STRN: variants seen among roughly 807,000 people sequenced by gnomAD.
STRN encodes the protein protein phosphatase 2 regulatory subunit B'''alpha.
A neutral mutation model predicts 96.3 loss-of-function variants in STRN; 53 were observed. That is an observed-to-expected ratio of 0.55 (90% CI 0.44 to 0.69). The LOEUF is 0.69. STRN is among the 30% of genes least tolerant of loss of function. The probability of loss-of-function intolerance (pLI) is 0.00; values close to 1 mark genes in which losing one functional copy is unlikely to be tolerated. For missense variants in STRN, 987 were observed against 963.9 expected, an observed-to-expected ratio of 1.02 and a Z score of -0.32; for synonymous variants, 428 against 355.9, an observed-to-expected ratio of 1.20 and a Z score of -2.28.
intron 1 of STRN, among the ~76,000 whole-genome samples, chr2:36,964,707 T>A (rs185977651): frequency 2.6e-5 from 4 of 152,328 alleles, no homozygotes; most frequent in Admixed American, 2.6e-4. Context: ...CTACCCCATC[T>A]AAAATAGCTG....
At chr2:36,850,925 A>C in intron 16 of STRN, 75 bp downstream of exon 16, 1 of 1,225,256 alleles carries the variant, frequency 8.2e-7, no homozygotes, top group Non-Finnish European at 1.1e-6. Flanking sequence ...ACCAAGAGAC[A>C]CCAAAATTAG....
chr2:36,966,347 C>A lies in STRN; in HGVS notation c.117G>T (p.Ala39=), dbSNP rs1448812119. The A allele has an allele frequency of 6.8e-7, 1 of 1,479,888 alleles. No individual in the cohort carries two copies. The highest frequency in any genetic ancestry group is 2.5e-5 in the Admixed American group (1 of 39,396). 91.7% of individuals were successfully genotyped at this position (1,479,888 alleles called of 1,614,324 possible). The change falls in exon 1 of 18, where the codon GCG becomes GCT. Residue 39 remains alanine (A), a synonymous_variant. Transcript: ENST00000263918. ...EAAAAGDGAA[A]AGAARAQYSL... Reference sequence around the variant, plus strand: ...TGTACTGGGCTCGGGCCGCCCCCGCCGCAGCCGCCCCGTCGCCGGCCGCGG... The same window carrying A: ...TGTACTGGGCTCGGGCCGCCCCCGCAGCAGCCGCCCCGTCGCCGGCCGCGG...
intron 8 of STRN, 47 bp from the exon 9 acceptor site, chr2:36,884,122 G>C (rs1572646792): frequency 7.7e-7 from 1 of 1,303,316 alleles, no homozygotes; most frequent in Non-Finnish European, 9.9e-7. Context: ...AGAGAAAAGA[G>C]AATTATCCAA....
intron 2 of STRN, among the ~76,000 whole-genome samples, chr2:36,916,964 C>G (rs1267671236): frequency 6.7e-6 from 1 of 150,172 alleles, no homozygotes; most frequent in Non-Finnish European, 1.5e-5. Flanking sequence ...TGTTGGCTCC[C>G]TAAAATATTG....
chr2:36,848,576 C>A lies in STRN; in HGVS notation c.*880G>T, dbSNP rs1668138952. 1 of 152,114 alleles carries A rather than the reference C, an allele frequency of 6.6e-6. No homozygotes were observed. The highest frequency in any genetic ancestry group is 1.5e-5 in the Non-Finnish European group (1 of 68,016). The allele number at this position is 152,114 out of a possible 1,614,324, so 9.4% of individuals were successfully genotyped here. ...TAAGATTTCATTGGTATGAAATAAT[C>A]ACTCTGGTACTATAAATGTCACATG... On this transcript the variant is annotated 3_prime_UTR_variant, in exon 18 of 18. Coordinates refer to ENST00000263918, the MANE Select transcript of STRN (RefSeq NM_003162.4).
At chr2:36,918,765 C>A (rs1422721993) in intron 2 of STRN, among the ~76,000 whole-genome samples, 1 of 152,148 alleles carries the variant, frequency 6.6e-6, no homozygotes, top group African/African-American at 2.4e-5. Context: ...TGCTTAATAG[C>A]ATTCCTTTTT....
chr2:36,840,718 G>A lies in STRN; in HGVS notation c.*8738C>T, dbSNP rs1413946046. On this transcript the variant is annotated 3_prime_UTR_variant, in exon 18 of 18. Coordinates refer to ENST00000263918, the MANE Select transcript of STRN (RefSeq NM_003162.4). ...GTCTGTGCCTTAGGGAGCTTATATAGACAAAAGCAAACAAATAATCATTAA... is the reference window on the plus strand; with the variant it reads ...GTCTGTGCCTTAGGGAGCTTATATAAACAAAAGCAAACAAATAATCATTAA... The A allele has an allele frequency of 1.3e-5, 2 of 152,026 alleles. No homozygotes were observed. The highest frequency in any genetic ancestry group is 2.4e-5 in the African/African-American group (1 of 41,374). The allele number at this position is 152,026 out of a possible 1,614,324, so 9.4% of individuals were successfully genotyped here.
intron 1 of STRN, among the ~76,000 whole-genome samples, chr2:36,929,637 C>T (rs199842353): frequency 6.6e-6 from 1 of 152,210 alleles, no homozygotes; most frequent in Non-Finnish European, 1.5e-5. Context: ...CCCACCTCAG[C>T]CTCCCTAAGC....
intron 2 of STRN, among the ~76,000 whole-genome samples, chr2:36,920,873 G>A (rs1670235394): frequency 6.6e-6 from 1 of 151,778 alleles, no homozygotes; most frequent in African/African-American, 2.4e-5. Context: ...TCAAGGGATC[G>A]AGACCATCCT....
intron 13 of STRN, among the ~76,000 whole-genome samples, chr2:36,860,398 C>A (rs933012041): frequency 6.6e-6 from 1 of 152,116 alleles, no homozygotes; most frequent in South Asian, 2.1e-4. Flanking sequence ...CATATTAATG[C>A]TCGTTAAATA....
intron 10 of STRN, among the ~76,000 whole-genome samples, chr2:36,873,567 TTAATAA>T (rs960633394): frequency 1.3e-5 from 2 of 151,598 alleles, no homozygotes; most frequent in African/African-American, 2.4e-5. Context: ...CTCAAAAAAA[TTAATAA>T]TAATAATAAT....
intron 12 of STRN, among the ~76,000 whole-genome samples, chr2:36,863,659 C>T (rs1272864060): frequency 3.3e-5 from 5 of 152,076 alleles, no homozygotes; most frequent in Admixed American, 2.0e-4. Flanking sequence ...TTCGGGTTTC[C>T]ATATGAATTT....
intron 3 of STRN, among the ~76,000 whole-genome samples, chr2:36,915,404 TTTGA>T (rs1220607109): frequency 6.6e-5 from 10 of 151,230 alleles, no homozygotes; most frequent in Non-Finnish European, 1.5e-4. Flanking sequence ...GTTGATAACT[TTTGA>T]TTAATTTTTG....
intron 1 of STRN, among the ~76,000 whole-genome samples, chr2:36,959,374 G>C (rs893952632): frequency 1.3e-5 from 2 of 152,180 alleles, no homozygotes; most frequent in Admixed American, 6.5e-5. Context: ...GCTGGCTGTA[G>C]CAGTACATAT....
intron 1 of STRN, among the ~76,000 whole-genome samples, chr2:36,957,736 CT>C (rs1470880818): frequency 1.0e-5 from 1 of 96,298 alleles, no homozygotes; most frequent in East Asian, 3.3e-4. Flanking sequence ...CATAGTTCTT[CT>C]TTTTGTCTTT....
intron 9 of STRN, 103 bp downstream of exon 9, chr2:36,883,829 T>C (rs1669141196): frequency 8.9e-7 from 1 of 1,126,184 alleles, no homozygotes; most frequent in Non-Finnish European, 1.2e-6. Context: ...ATCAAACATC[T>C]GCAGAATAAA....
intron 1 of STRN, among the ~76,000 whole-genome samples, chr2:36,943,259 C>T (rs1320082849): frequency 6.6e-6 from 1 of 151,924 alleles, no homozygotes; most frequent in Admixed American, 6.6e-5. Flanking sequence ...ATCCCACTCC[C>T]CAGAGGTAAT....
At chr2:36,965,799 A>AG (rs1224383924) in intron 1 of STRN, among the ~76,000 whole-genome samples, 1 of 152,144 alleles carries the variant, frequency 6.6e-6, no homozygotes, top group Non-Finnish European at 1.5e-5. Flanking sequence ...CCTTGAAGAG[A>AG]GGGGCCAAAG....
chr2:36,931,126 C>T lies in STRN; in HGVS notation c.235-5918G>A, dbSNP rs182247857. On this transcript the variant is annotated intron_variant, in intron 1 of 17. Coordinates refer to ENST00000263918, the MANE Select transcript of STRN (RefSeq NM_003162.4). ...TTGAGATTACAGGTGTGAGCTATCG[C>T]GTCCAGCCCCAGAACCCTACCCTTT... is the stretch of plus-strand genomic sequence containing the variant. Among the ~76,000 whole-genome samples, 5 of 152,030 alleles carry T rather than the reference C, an allele frequency of 3.3e-5. No individual in the cohort carries two copies. In the East Asian group the frequency reaches 7.7e-4, roughly 23 times the overall value.
Sources: allele counts gnomAD v4.1 joint callset (sites outside exome capture counted in the v4.1 genomes callset), GRCh38; gene constraint gnomAD v4.1.1; transcripts MANE v1.5; gene names NCBI Gene and HGNC (gene_info 2026-07-23, HGNC 2026-07-21).